RNF8: variants seen among roughly 807,000 people sequenced by gnomAD.
RNF8 encodes E3 ubiquitin-protein ligase RNF8.
RNF8 carries 8 observed loss-of-function variants against 59.3 expected under a neutral mutation model. The observed-to-expected ratio is 0.13, with a 90% CI of 0.08 to 0.24. The LOEUF is 0.24. RNF8 is among the 10% of genes least tolerant of loss of function. RNF8 has a pLI of 1.00. For missense variants in RNF8, 406 were observed against 572.6 expected (o/e 0.71, Z 2.97); for synonymous variants, 162 against 200.0 (o/e 0.81, Z 1.60).
chr6:37,378,612 A>G (rs894313953), intron 6 of RNF8, among the ~76,000 whole-genome samples: 2 of 144,336 alleles, frequency 1.4e-5, no homozygotes, highest in East Asian at 1.9e-4. Context: ...AAAAAAAAAA[A>G]AAAAAAAAAA....
At position 37,360,401 on chromosome 6, in the gene RNF8, A is replaced by AAG; in HGVS notation, c.112-45_112-44insAG. 2 of 1,610,074 alleles carry AAG rather than the reference A, an allele frequency of 1.2e-6. No homozygotes were observed. On this transcript the variant is annotated intron_variant, in intron 1 of 7. Transcript: ENST00000373479. This position sits in a 1 kb window ranked among gnomAD's most constrained non-coding sequence, Gnocchi z 4.2. ...AGATTTGTAAAGGACCTCCCTTTTC[A>AAG]GCACAATGACTGATGGTATTTCTTG...
Position 37,376,922 on chromosome 6 carries a change from G to A in RNF8, c.1129-4G>A, listed in dbSNP as rs933128879. 2 of 1,606,314 alleles carry A rather than the reference G, an allele frequency of 1.2e-6. No homozygotes were observed. The highest frequency in any genetic ancestry group is 1.7e-6 in the Non-Finnish European group (2 of 1,173,056). On this transcript the variant is annotated splice_region_variant and splice_polypyrimidine_tract_variant and intron_variant, in intron 5 of 7. Coordinates refer to ENST00000373479, the MANE Select transcript of RNF8 (RefSeq NM_003958.4). The stretch of plus-strand genomic sequence containing the variant: ...AATGACAGGTAGGATTGTGTGTCTT[G>A]CAGGAAGAGAAGGAGAAGATGCAAG...
chr6:37,359,154 C>G (rs1015707504), intron 1 of RNF8: 1 of 438,296 alleles, frequency 2.3e-6, no homozygotes, highest in Admixed American at 2.7e-5. Context: ...ATCTGGAACT[C>G]AGAAGAATTT....
At chr6:37,355,059 C>A (rs182953854) in intron 1 of RNF8, among the ~76,000 whole-genome samples, 6 of 152,022 alleles carry the variant, frequency 3.9e-5, no homozygotes, top group Admixed American at 6.5e-5. Context: ...GGCTGCCTGT[C>A]GTCTTTATTA....
At chr6:37,365,334 A>G (rs777240864) in intron 2 of RNF8, among the ~76,000 whole-genome samples, 8 of 152,200 alleles carry the variant, frequency 5.3e-5, no homozygotes, top group Non-Finnish European at 1.2e-4. Flanking sequence ...GAATGCGGGA[A>G]AGGTTGACTA....
At chr6:37,376,889 G>C in intron 5 of RNF8, 37 bp from the exon 6 acceptor site, 1 of 1,493,190 alleles carries the variant, frequency 6.7e-7, no homozygotes, top group Non-Finnish European at 9.3e-7. Context: ...ATTTTTGTTG[G>C]TTCTCTGAAT....
At chr6:37,385,487 C>T (rs1366332112) in intron 7 of RNF8, among the ~76,000 whole-genome samples, 7 of 151,538 alleles carry the variant, frequency 4.6e-5, no homozygotes, top group African/African-American at 1.2e-4. Context: ...ATTAGCCGGG[C>T]GTGGTGGTGC....
chr6:37,390,970 G>A lies in RNF8; in HGVS notation c.*212G>A. 1.4e-6 allele frequency: 1 copy of A among 696,628 alleles called. No individual in the cohort carries two copies. Among genetic ancestry groups the A allele is most frequent in the South Asian group, 1.6e-5 (1 of 60,782 alleles). 43.2% of individuals were successfully genotyped at this position (696,628 alleles called of 1,614,324 possible). ...GGCTGAAGCACCACCAGGATTCACG[G>A]CACCCAACTGCTTCAGGGTACTTCG... On this transcript the variant is annotated 3_prime_UTR_variant, in exon 8 of 8. Transcript: ENST00000373479.
At chr6:37,357,782 A>G (rs992301108) in intron 1 of RNF8, among the ~76,000 whole-genome samples, 1 of 152,172 alleles carries the variant, frequency 6.6e-6, no homozygotes, top group South Asian at 2.1e-4. Context: ...TCTGACCTAA[A>G]AACACCCACC....
chr6:37,372,781 C>T (rs1336117722), intron 4 of RNF8, among the ~76,000 whole-genome samples: 1 of 152,172 alleles, frequency 6.6e-6, no homozygotes, highest in Non-Finnish European at 1.5e-5. Flanking sequence ...ACCAGCCTGA[C>T]CAACATGGAG....
Position 37,390,919 on chromosome 6 carries a change from C to A in RNF8, c.*161C>A, listed in dbSNP as rs1049901828. The stretch of plus-strand genomic sequence containing the variant: ...GAAGCCCTCAGTCACTTGCCTTCCA[C>A]GGTGGCCAGCCCTGCTGCCATCATT... On this transcript the variant is annotated 3_prime_UTR_variant, in exon 8 of 8. Coordinates refer to ENST00000373479, the MANE Select transcript of RNF8 (RefSeq NM_003958.4). The A allele has an allele frequency of 1.7e-6, 2 of 1,202,806 alleles. No individual in the cohort carries two copies. Among genetic ancestry groups the A allele is most frequent in the South Asian group, 1.2e-5 (1 of 81,650 alleles). The allele number at this position is 1,202,806 out of a possible 1,614,324, so 74.5% of individuals were successfully genotyped here. A position where few individuals can be genotyped will look rare whatever the true frequency, so the allele number is the denominator to read the frequency against.
chr6:37,381,071 G>A (rs1770240899), intron 6 of RNF8, 79 bp from the exon 7 acceptor site: 2 of 1,242,876 alleles, frequency 1.6e-6, no homozygotes, highest in South Asian at 2.5e-5. Context: ...ATTCACTCCT[G>A]TCCTAACTTT....
chr6:37,375,795 A>G (rs1372380574), intron 5 of RNF8, among the ~76,000 whole-genome samples: 2 of 152,244 alleles, frequency 1.3e-5, no homozygotes, highest in African/African-American at 2.4e-5. Flanking sequence ...CCACTCAAAT[A>G]TACCTCAAAT....
In RNF8 at chr6:37,391,114, G is replaced by A; in HGVS notation, c.*356G>A. ...AAACACCTCCGTTGACAGTTGTTTT[G>A]GATAGGTTGGGTGTACCCCATGGCT... On this transcript the variant is annotated 3_prime_UTR_variant, in exon 8 of 8. Coordinates refer to ENST00000373479, the MANE Select transcript of RNF8 (RefSeq NM_003958.4). 1 of 434,732 alleles carries A rather than the reference G, an allele frequency of 2.3e-6. No individual in the cohort carries two copies. Among genetic ancestry groups the A allele is most frequent in the Non-Finnish European group, 4.2e-6 (1 of 240,350 alleles). 26.9% of individuals were successfully genotyped at this position (434,732 alleles called of 1,614,324 possible).
chr6:37,362,454 A>G (rs1336983268), intron 2 of RNF8, among the ~76,000 whole-genome samples: 1 of 152,262 alleles, frequency 6.6e-6, no homozygotes, highest in Non-Finnish European at 1.5e-5. Context: ...ATAGAGAGGA[A>G]AGATAGGTTT....
chr6:37,390,889 G>C lies in RNF8; in HGVS notation c.*131G>C. Reference sequence around the variant, plus strand: ...GAAGTCTTGTGGGACAGAGACTTGAGTTAGGAAGCCCTCAGTCACTTGCCT... The same window carrying C: ...GAAGTCTTGTGGGACAGAGACTTGACTTAGGAAGCCCTCAGTCACTTGCCT... On this transcript the variant is annotated 3_prime_UTR_variant, in exon 8 of 8. Coordinates refer to ENST00000373479, the MANE Select transcript of RNF8 (RefSeq NM_003958.4). The C allele has an allele frequency of 6.6e-7, 1 of 1,509,892 alleles. No homozygotes were observed. Among genetic ancestry groups the C allele is most frequent in the South Asian group, 1.1e-5 (1 of 88,894 alleles). 93.5% of individuals were successfully genotyped at this position (1,509,892 alleles called of 1,614,324 possible).
intron 7 of RNF8, among the ~76,000 whole-genome samples, chr6:37,383,114 T>G (rs1414935677): frequency 6.6e-6 from 1 of 152,230 alleles, no homozygotes; most frequent in Non-Finnish European, 1.5e-5. Context: ...GTCTCTCACT[T>G]TTTTGGTAAC....
rs1185935187 is a variant in RNF8, at chr6:37,391,549, G to A, written c.*791G>A. 3 of 152,180 alleles carry A rather than the reference G, an allele frequency of 2.0e-5. No individual in the cohort carries two copies. The highest frequency in any genetic ancestry group is 7.2e-5 in the African/African-American group (3 of 41,450). 9.4% of individuals were successfully genotyped at this position (152,180 alleles called of 1,614,324 possible). On this transcript the variant is annotated 3_prime_UTR_variant, in exon 8 of 8. Transcript: ENST00000373479. Reference sequence around the variant, plus strand: ...CCAAATCTATTTTATCTGACGTCATGAACACACAGGCAATGATTTTATGAC... The same window carrying A: ...CCAAATCTATTTTATCTGACGTCATAAACACACAGGCAATGATTTTATGAC...
At chr6:37,357,194 C>T (rs550529895) in intron 1 of RNF8, among the ~76,000 whole-genome samples, 2 of 152,336 alleles carry the variant, frequency 1.3e-5, no homozygotes, top group East Asian at 1.9e-4. Flanking sequence ...CAACCCCTCA[C>T]ATATGGGTCG....
Sources: gnomAD v4.1 joint callset for allele counts (sites outside exome capture counted in the v4.1 genomes callset) on GRCh38, gnomAD v4.1.1 for gene constraint, Gnocchi (gnomAD v3.1) non-coding constraint, MANE v1.5 for transcripts, NCBI Gene and HGNC (gene_info 2026-07-23, HGNC 2026-07-21) for gene names.